Variants in KLKB1 observed in about 807,000 individuals in gnomAD.
KLKB1 encodes the protein plasma kallikrein.
Under a neutral mutation model 73.6 loss-of-function variants are expected in KLKB1, and 58 were observed. The ratio of observed to expected loss-of-function variants is 0.79; its 90% CI spans 0.64 to 0.98. The LOEUF is 0.98. Among genes scored for constraint, KLKB1 ranks in the 50% least tolerant of loss-of-function variants. The probability of loss-of-function intolerance (pLI) is 0.00; values close to 1 mark genes in which losing one functional copy is unlikely to be tolerated. For missense variants in KLKB1, 737 were observed against 763.8 expected, an observed-to-expected ratio of 0.96 and a Z score of 0.41; for synonymous variants, 280 against 258.1, an observed-to-expected ratio of 1.08 and a Z score of -0.81.
chr4:186,225,844 A>G (rs565413477), upstream of KLKB1, among the ~76,000 whole-genome samples: 2 of 152,018 alleles, frequency 1.3e-5, no homozygotes, highest in Admixed American at 6.6e-5. Flanking sequence ...TTATTTTTTT[A>G]AATAAGTTTC....
At chr4:186,215,654 A>G (rs750228543) in intron 2 of KLKB1, among the ~76,000 whole-genome samples, 2 of 151,958 alleles carry the variant, frequency 1.3e-5, no homozygotes, top group African/African-American at 2.4e-5. Flanking sequence ...GCTCACTGCA[A>G]CCTTCACCTA....
Position 186,250,201 on chromosome 4 carries a change from A to G in KLKB1, c.599-42A>G, listed in dbSNP as rs4253299. 0.81 allele frequency: 1,279,796 copies of G among 1,589,748 alleles called. 517,219 individuals carry two copies. The highest frequency in any genetic ancestry group is 0.92 in the East Asian group (41,280 of 44,744). ...ACAAAATACAAGCAAATTTAGCCTC[A>G]TGTCATTTCCTAAGGAACATCTTCT... On this transcript the variant is annotated intron_variant, in intron 6 of 14. Coordinates refer to ENST00000264690, the MANE Select transcript of KLKB1 (RefSeq NM_000892.5).
chr4:186,255,126 G>T (rs970305941), intron 12 of KLKB1, among the ~76,000 whole-genome samples: 1 of 152,166 alleles, frequency 6.6e-6, no homozygotes, highest in Admixed American at 6.5e-5. Context: ...GGGCAAGTGG[G>T]ATCAGATATC....
At chr4:186,231,021 G>A (rs571909436) in intron 2 of KLKB1, among the ~76,000 whole-genome samples, 2 of 152,306 alleles carry the variant, frequency 1.3e-5, no homozygotes, top group African/African-American at 4.8e-5. Flanking sequence ...ACCTCAGAGA[G>A]GGAGAGAGGC....
chr4:186,246,086 G>T (rs191377399), intron 6 of KLKB1, among the ~76,000 whole-genome samples: 1 of 151,982 alleles, frequency 6.6e-6, no homozygotes, highest in Admixed American at 6.6e-5. Context: ...AAATTGTTGG[G>T]CAGGTGGGGG....
At chr4:186,243,045 G>A (rs1738135891) in intron 6 of KLKB1, among the ~76,000 whole-genome samples, 1 of 152,004 alleles carries the variant, frequency 6.6e-6, no homozygotes, top group South Asian at 2.1e-4. Flanking sequence ...CCCATCCAGT[G>A]AAAGTGTCTA....
At chr4:186,238,918 ACAG>A (rs1737850704) in intron 6 of KLKB1, among the ~76,000 whole-genome samples, 1 of 147,362 alleles carries the variant, frequency 6.8e-6, no homozygotes, top group Non-Finnish European at 1.5e-5. Context: ...GTGATATAGG[ACAG>A]TGATACTGTT....
rs1580007728 is a variant in KLKB1, at chr4:186,240,171, G to A, written c.598+1806G>A. On this transcript the variant is annotated intron_variant, in intron 6 of 14. Coordinates refer to ENST00000264690, the MANE Select transcript of KLKB1 (RefSeq NM_000892.5). Reference sequence around the variant, plus strand: ...CAGTGATATTCTTATAGTTACCGTGGTATAGTTATAGTTAAAGGTACAGTG... The same window carrying A: ...CAGTGATATTCTTATAGTTACCGTGATATAGTTATAGTTAAAGGTACAGTG... Among the ~76,000 whole-genome samples the A allele has an allele frequency of 2.0e-5, 3 of 151,698 alleles. No individual in the cohort carries two copies. In the East Asian group the frequency reaches 5.9e-4, roughly 30 times the overall value.
At position 186,258,443 on chromosome 4, in the gene KLKB1, G is replaced by T; in HGVS notation, c.*231G>T. ...TCGCAACTGAGATCTCCATGACTGT[G>T]TGTTGTGAAATAAAATGGTGAAAGA... On this transcript the variant is annotated 3_prime_UTR_variant, in exon 15 of 15. Transcript: ENST00000264690. 1 of 578,744 alleles carries T rather than the reference G, an allele frequency of 1.7e-6. No individual in the cohort carries two copies. Among genetic ancestry groups the T allele is most frequent in the Non-Finnish European group, 3.1e-6 (1 of 323,052 alleles). 35.9% of individuals were successfully genotyped at this position (578,744 alleles called of 1,614,324 possible). A position where few individuals can be genotyped will look rare whatever the true frequency, so the allele number is the denominator to read the frequency against.
intron 6 of KLKB1, among the ~76,000 whole-genome samples, chr4:186,240,025 A>G (rs962913325): frequency 6.7e-6 from 1 of 148,786 alleles, no homozygotes; most frequent in Non-Finnish European, 1.5e-5. Flanking sequence ...AAACTAGTAC[A>G]GTGATACTGT....
At chr4:186,248,306 C>G (rs535704405) in intron 6 of KLKB1, among the ~76,000 whole-genome samples, 1 of 152,088 alleles carries the variant, frequency 6.6e-6, no homozygotes, top group South Asian at 2.1e-4. Flanking sequence ...TTCTCCTTTC[C>G]CATTGGCCGT....
chr4:186,229,030 A>G (rs973323249), intron 2 of KLKB1: 1 of 151,924 alleles, frequency 6.6e-6, no homozygotes, highest in African/African-American at 2.4e-5. Flanking sequence ...TTTTTCCAGG[A>G]AAAAAGACTT....
chr4:186,233,260 C>T (rs1037798649), intron 3 of KLKB1, among the ~76,000 whole-genome samples: 48 of 152,170 alleles, frequency 3.2e-4, no homozygotes, highest in Non-Finnish European at 5.3e-4. Flanking sequence ...TAATCACGAG[C>T]CACAGTTTCA....
rs1737206988 is a variant in KLKB1, at chr4:186,227,527, T to G, written c.-62T>G. The G allele has an allele frequency of 6.6e-6, 1 of 152,312 alleles. No individual in the cohort carries two copies. The highest frequency in any genetic ancestry group is 2.1e-4 in the South Asian group (1 of 4,828). 9.4% of individuals were successfully genotyped at this position (152,312 alleles called of 1,614,324 possible). A position where few individuals can be genotyped will look rare whatever the true frequency, so the allele number is the denominator to read the frequency against. On this transcript the variant is annotated 5_prime_UTR_variant, in exon 1 of 15. Transcript: ENST00000264690. ...CCTGCAGTGCCACATTAGAACAGCTTGAAGACCGTTCATTTTTAAGTGACA... is the reference window on the plus strand; with the variant it reads ...CCTGCAGTGCCACATTAGAACAGCTGGAAGACCGTTCATTTTTAAGTGACA...
At chr4:186,211,136 G>C (rs1469979598) in intron 2 of KLKB1, 1 of 157,556 alleles carries the variant, frequency 6.3e-6, no homozygotes, top group African/African-American at 2.4e-5. Flanking sequence ...ACCACGCCTG[G>C]CCAGAGTTTT....
At chr4:186,250,672 A>C (rs1738621356) in intron 7 of KLKB1, among the ~76,000 whole-genome samples, 2 of 152,176 alleles carry the variant, frequency 1.3e-5, no homozygotes, top group Non-Finnish European at 2.9e-5. Flanking sequence ...GAAGGATCTG[A>C]CGCCTTTGAA....
intron 11 of KLKB1, among the ~76,000 whole-genome samples, chr4:186,252,442 C>T (rs1738732939): frequency 6.6e-6 from 1 of 151,652 alleles, no homozygotes; most frequent in South Asian, 2.1e-4. Flanking sequence ...TACCCCACTC[C>T]TCCAACCCAC....
upstream of KLKB1, among the ~76,000 whole-genome samples, chr4:186,225,493 G>A (rs921801536): frequency 2.8e-5 from 4 of 141,806 alleles, no homozygotes; most frequent in Admixed American, 1.4e-4. Context: ...GTGCAGTGGC[G>A]CAATCTCGGC....
At chr4:186,241,873 G>T (rs1738068795) in intron 6 of KLKB1, among the ~76,000 whole-genome samples, 1 of 152,110 alleles carries the variant, frequency 6.6e-6, no homozygotes, top group Non-Finnish European at 1.5e-5. Flanking sequence ...TATAAATAGT[G>T]CCCAACATAT....
Sources: allele counts gnomAD v4.1 joint callset (sites outside exome capture counted in the v4.1 genomes callset), GRCh38; gene constraint gnomAD v4.1.1; transcripts MANE v1.5; gene names NCBI Gene and HGNC (gene_info 2026-07-23, HGNC 2026-07-21).